The following ATP2C2 variants were observed in gnomAD, a reference collection of about 807,000 sequenced individuals.
The protein encoded by ATP2C2 is calcium-transporting ATPase type 2C member 2.
Under a neutral mutation model 110.8 loss-of-function variants are expected in ATP2C2, and 171 were observed. The ratio of observed to expected loss-of-function variants is 1.54; its 90% CI spans 1.36 to 1.75. The LOEUF (loss-of-function observed/expected upper bound fraction) is 1.75, where lower values mean the gene tolerates loss of function less well. Among genes scored for constraint, ATP2C2 ranks in the 40% most tolerant of loss-of-function variants. The probability of loss-of-function intolerance (pLI) is 0.00; values close to 1 mark genes in which losing one functional copy is unlikely to be tolerated. For synonymous variants in ATP2C2, 804 were observed against 508.4 expected, an observed-to-expected ratio of 1.58 and a Z score of -7.82; for missense variants, 1,963 against 1,235.0, an observed-to-expected ratio of 1.59 and a Z score of -8.84.
intron 1 of ATP2C2, among the ~76,000 whole-genome samples, chr16:84,389,807 G>A (rs1170509397): frequency 6.8e-6 from 1 of 147,518 alleles, no homozygotes; most frequent in Non-Finnish European, 1.5e-5. Flanking sequence ...TTCAACCTCT[G>A]CCTCCTGGGT....
At chr16:84,455,612 T>C (rs542860282) in intron 21 of ATP2C2, among the ~76,000 whole-genome samples, 1 of 152,072 alleles carries the variant, frequency 6.6e-6, no homozygotes, top group African/African-American at 2.4e-5. Flanking sequence ...CTAATCGCAG[T>C]GGTTAGTTGG....
chr16:84,445,927 C>T (rs1168926340), intron 15 of ATP2C2, among the ~76,000 whole-genome samples: 2 of 152,206 alleles, frequency 1.3e-5, no homozygotes, highest in East Asian at 3.8e-4. Context: ...AAGGGCCAGG[C>T]TGGCAAGGAC....
At chr16:84,387,784 G>A (rs907464065) in intron 1 of ATP2C2, among the ~76,000 whole-genome samples, 2 of 152,070 alleles carry the variant, frequency 1.3e-5, no homozygotes, top group Non-Finnish European at 2.9e-5. Flanking sequence ...GTACATTTTA[G>A]AATATTAGAA....
intron 17 of ATP2C2, among the ~76,000 whole-genome samples, chr16:84,451,128 C>T (rs1910217437): frequency 6.6e-6 from 1 of 152,130 alleles, no homozygotes; most frequent in African/African-American, 2.4e-5. Context: ...GCAATCATGG[C>T]AGAAGGTGAA....
Position 84,443,080 on chromosome 16 carries a change from T to C in ATP2C2, c.1401+481T>C, listed in dbSNP as rs371257759. Among the ~76,000 whole-genome samples, 4 of 152,078 alleles carry C rather than the reference T, an allele frequency of 2.6e-5. No homozygotes were observed. In the South Asian group the frequency reaches 8.3e-4, roughly 32 times the overall value. On this transcript the variant is annotated intron_variant, in intron 15 of 26. Coordinates refer to ENST00000262429, the MANE Select transcript of ATP2C2 (RefSeq NM_014861.4). ...CCAGGTACCAAGTGGCTGCTTGCAGTGTGGAGGGGATGGGTGGGAGCTGAT... is the reference window on the plus strand; with the variant it reads ...CCAGGTACCAAGTGGCTGCTTGCAGCGTGGAGGGGATGGGTGGGAGCTGAT...
At chr16:84,414,760 G>A (rs1039371656) in intron 6 of ATP2C2, among the ~76,000 whole-genome samples, 8 of 152,192 alleles carry the variant, frequency 5.3e-5, no homozygotes, top group African/African-American at 1.4e-4. Context: ...GTTTAAGGGG[G>A]CTGGATGGAA....
At position 84,415,574 on chromosome 16, in the gene ATP2C2, G is replaced by T. The variant is rs764812534; in HGVS notation, c.607G>T (p.Asp203Tyr). 42 of 1,613,740 alleles carry T rather than the reference G, an allele frequency of 2.6e-5. No homozygotes were observed. Among genetic ancestry groups the T allele is most frequent in the Non-Finnish European group, 3.6e-5 (42 of 1,179,860 alleles). Reference protein sequence around the residue: ...SLSIGDRIPADIRLTEVTDLL... With the variant: ...SLSIGDRIPAYIRLTEVTDLL... Reference sequence around the variant, plus strand: ...CTCGATCGGAGACCGGATCCCTGCAGACATCCGACTCACTGAGGTGAGTGG... The same window carrying T: ...CTCGATCGGAGACCGGATCCCTGCATACATCCGACTCACTGAGGTGAGTGG... The change falls in exon 7 of 27, where the codon GAC becomes TAC. Residue 203 changes from aspartate to tyrosine, a missense_variant. Physicochemically the swap from Asp to Tyr is radical, Grantham distance 160 (BLOSUM62 -3). Coordinates refer to ENST00000262429, the MANE Select transcript of ATP2C2 (RefSeq NM_014861.4).
chr16:84,442,486 G>A (rs1909356067), intron 14 of ATP2C2, 24 bp from the exon 15 acceptor site: 10 of 1,612,618 alleles, frequency 6.2e-6, no homozygotes, highest in Non-Finnish European at 8.5e-6. Context: ...ACTAACTACA[G>A]ATGTCCGGAC....
chr16:84,430,498 A>G (rs33998423), intron 11 of ATP2C2, among the ~76,000 whole-genome samples: 54,684 of 151,878 alleles, frequency 0.36, 10,049 homozygotes, highest in South Asian at 0.4. Flanking sequence ...AAAATCAGCT[A>G]GGCGTGGTGG....
At chr16:84,392,004 T>C (rs1017621812) in intron 1 of ATP2C2, among the ~76,000 whole-genome samples, 22 of 151,904 alleles carry the variant, frequency 1.4e-4, no homozygotes, top group Non-Finnish European at 2.1e-4. Context: ...ATCAGTGACG[T>C]CTCCTTAGGT....
At chr16:84,432,438 C>G (rs971035451) in intron 11 of ATP2C2, among the ~76,000 whole-genome samples, 17 of 151,970 alleles carry the variant, frequency 1.1e-4, no homozygotes, top group African/African-American at 3.9e-4. Context: ...CCCGAACCCC[C>G]CGACAGGCCT....
intron 11 of ATP2C2, among the ~76,000 whole-genome samples, chr16:84,429,175 G>A (rs145005061): frequency 6.2e-4 from 93 of 150,652 alleles, no homozygotes; most frequent in African/African-American, 2.2e-3. Flanking sequence ...TTTTCAGACA[G>A]AGTTTCACTC....
chr16:84,411,974 T>C (rs2150528237), intron 6 of ATP2C2, among the ~76,000 whole-genome samples: 1 of 152,010 alleles, frequency 6.6e-6, no homozygotes, highest in African/African-American at 2.4e-5. Flanking sequence ...TCCTTTCTCT[T>C]CTTTCTTTTC....
intron 11 of ATP2C2, among the ~76,000 whole-genome samples, chr16:84,430,914 C>T (rs1183208537): frequency 3.3e-5 from 5 of 152,064 alleles, no homozygotes; most frequent in Admixed American, 6.5e-5. Flanking sequence ...AACCCCCCCA[C>T]CTCAGCAGGA....
intron 10 of ATP2C2, among the ~76,000 whole-genome samples, chr16:84,423,810 C>T (rs574968926): frequency 6.6e-6 from 1 of 152,326 alleles, no homozygotes; most frequent in African/African-American, 2.4e-5. Flanking sequence ...TTTATCTGTG[C>T]ACCCAAACAT....
chr16:84,370,543 C>T (rs1909892869), intron 1 of ATP2C2, among the ~76,000 whole-genome samples: 1 of 152,086 alleles, frequency 6.6e-6, no homozygotes, highest in South Asian at 2.1e-4. Context: ...TCACTTCCTG[C>T]CAGGTTGGCT....
intron 16 of ATP2C2, among the ~76,000 whole-genome samples, chr16:84,448,221 G>A (rs1169134306): frequency 6.6e-6 from 1 of 152,138 alleles, no homozygotes; most frequent in African/African-American, 2.4e-5. Flanking sequence ...GTCCCAGCTG[G>A]GATGATACCT....
rs540417817 is a variant in ATP2C2 at position 84,452,038 on chromosome 16, G to A, written c.1778G>A (p.Gly593Asp). ...GCAGTCCAGGTTCTCTCCGAGTCTG[G>A]TGTGTCTGTGAAGATGATAACGGGG... The part of the protein sequence containing the change: ...KEAVQVLSES[G>D]VSVKMITGDA... The change falls in exon 18 of 27, where the codon GGT (glycine) becomes GAT (aspartate). Residue 593 changes from glycine to aspartate, a missense_variant. Physicochemically the swap from Gly to Asp is moderately conservative, Grantham distance 94. Coordinates refer to ENST00000262429, the MANE Select transcript of ATP2C2 (RefSeq NM_014861.4). 7.4e-6 allele frequency: 12 copies of A among 1,613,878 alleles called. 1 individual carries two copies. The Admixed American group carries it at 1.8e-4, about 25-fold the overall frequency.
rs145477473 is a variant in ATP2C2 at position 84,369,263 on chromosome 16, T to G, written c.99+549T>G. ...CCTGCTTTGCAACCTTCAGGGACCC[T>G]CTGGGATAAAGCAGCAGGGTGCCAG... is the stretch of plus-strand genomic sequence containing the variant. On this transcript the variant is annotated intron_variant, in intron 1 of 26. Transcript: ENST00000262429. Among the ~76,000 whole-genome samples the G allele has an allele frequency of 1.4e-4, 22 of 152,252 alleles. No individual in the cohort carries two copies. In the East Asian group the frequency reaches 4.1e-3, roughly 28 times the overall value.
Sources: allele counts gnomAD v4.1 joint callset (sites outside exome capture counted in the v4.1 genomes callset), GRCh38; gene constraint gnomAD v4.1.1; transcripts MANE v1.5; gene names NCBI Gene and HGNC (gene_info 2026-07-23, HGNC 2026-07-21).